Variants in STAT3 observed in about 807,000 individuals in gnomAD.
STAT3 encodes the protein DNA-binding protein APRF.
Under a neutral mutation model 114.3 loss-of-function variants are expected in STAT3, and 7 were observed. The observed-to-expected ratio is 0.06, with a 90% CI of 0.03 to 0.11. The LOEUF is 0.11. Among genes scored for constraint, STAT3 ranks in the 10% least tolerant of loss-of-function variants. The pLI is 1.00. For missense variants in STAT3, 364 were observed against 960.9 expected (o/e 0.38, Z 8.21); for synonymous variants, 331 against 354.5 (o/e 0.93, Z 0.74).
chr17:42,336,979 ATTTTT>A (rs1370697292), intron 8 of STAT3, among the ~76,000 whole-genome samples: 1 of 151,958 alleles, frequency 6.6e-6, no homozygotes, highest in African/African-American at 2.4e-5. Context: ...ACTTTATTTT[ATTTTT>A]ATTTTTTTGA....
chr17:42,321,971 G>A (rs559206318), intron 21 of STAT3, among the ~76,000 whole-genome samples: 1 of 152,116 alleles, frequency 6.6e-6, no homozygotes, highest in African/African-American at 2.4e-5. Flanking sequence ...CTACAAATGC[G>A]TGCCACCACA....
intron 1 of STAT3, among the ~76,000 whole-genome samples, chr17:42,375,329 C>A (rs1167823198): frequency 6.6e-6 from 1 of 152,112 alleles, no homozygotes; most frequent in Non-Finnish European, 1.5e-5. Context: ...AACTAAGGAC[C>A]AAGGACCATC....
At chr17:42,360,055 G>A (rs752455252) in intron 1 of STAT3, among the ~76,000 whole-genome samples, 35 of 79,812 alleles carry the variant, frequency 4.4e-4, no homozygotes, top group Admixed American at 1.6e-3. Flanking sequence ...GCAAGACTCC[G>A]TCTCAAAAAA....
chr17:42,315,659 T>G lies in STAT3; in HGVS notation c.*86A>C. On this transcript the variant is annotated 3_prime_UTR_variant, in exon 24 of 24. Coordinates refer to ENST00000264657, the MANE Select transcript of STAT3 (RefSeq NM_139276.3). The stretch of plus-strand genomic sequence containing the variant: ...GAACCACAAAGTTAGTAGTTTCAGA[T>G]GATCTGGGGTTTGGCTGTGTGAGGG... 1.2e-5 allele frequency: 17 copies of G among 1,368,098 alleles called. No homozygotes were observed. The highest frequency in any genetic ancestry group is 1.6e-5 in the Non-Finnish European group (15 of 956,302). 84.7% of individuals were successfully genotyped at this position (1,368,098 alleles called of 1,614,324 possible). A position where few individuals can be genotyped will look rare whatever the true frequency, so the allele number is the denominator to read the frequency against.
intron 11 of STAT3, 121 bp downstream of exon 11, chr17:42,331,351 T>G: frequency 1.0e-6 from 1 of 952,568 alleles, no homozygotes; most frequent in East Asian, 2.6e-5. Flanking sequence ...TTTTGAAAAC[T>G]TTTGTCCACA....
intron 6 of STAT3, 82 bp downstream of exon 6, chr17:42,338,649 C>T: frequency 2.2e-6 from 3 of 1,387,994 alleles, no homozygotes; most frequent in Admixed American, 1.7e-5. Context: ...AAGATCTAAA[C>T]AGAGTTAAGA....
At chr17:42,372,653 C>T (rs78175815) in intron 1 of STAT3, among the ~76,000 whole-genome samples, 51 of 152,130 alleles carry the variant, frequency 3.4e-4, no homozygotes, top group African/African-American at 1.2e-3. Flanking sequence ...TGTCAAAATC[C>T]ATAGAATGCT....
At chr17:42,354,419 C>T (rs1380015886) in intron 1 of STAT3, among the ~76,000 whole-genome samples, 1 of 150,746 alleles carries the variant, frequency 6.6e-6, no homozygotes, top group Non-Finnish European at 1.5e-5. Flanking sequence ...CCGCCCGCCT[C>T]GGCCTCCCAA....
In STAT3 at chr17:42,315,673, G is replaced by T; in HGVS notation, c.*72C>A. 1 of 1,470,918 alleles carries T rather than the reference G, an allele frequency of 6.8e-7. No individual in the cohort carries two copies. The highest frequency in any genetic ancestry group is 9.5e-7 in the Non-Finnish European group (1 of 1,049,460). 91.1% of individuals were successfully genotyped at this position (1,470,918 alleles called of 1,614,324 possible). ...GTAGTTTCAGATGATCTGGGGTTTG[G>T]CTGTGTGAGGGGTGGCAGAATGCAG... On this transcript the variant is annotated 3_prime_UTR_variant, in exon 24 of 24. Coordinates refer to ENST00000264657, the MANE Select transcript of STAT3 (RefSeq NM_139276.3).
chr17:42,329,822 T>C, intron 11 of STAT3, 46 bp from the exon 12 acceptor site: 14 of 1,609,586 alleles, frequency 8.7e-6, no homozygotes, highest in Non-Finnish European at 1.2e-5. Flanking sequence ...TCTGTGTTTC[T>C]TCAAAAAGCC....
chr17:42,320,275 C>A (rs778590021), intron 21 of STAT3, among the ~76,000 whole-genome samples: 3 of 152,234 alleles, frequency 2.0e-5, no homozygotes, highest in Admixed American at 1.3e-4. Flanking sequence ...CTCCCTCTTC[C>A]AAGCCCCATT....
intron 1 of STAT3, among the ~76,000 whole-genome samples, chr17:42,377,577 G>T (rs58225497): frequency 6.6e-6 from 1 of 152,260 alleles, no homozygotes; most frequent in East Asian, 1.9e-4. Context: ...ATAAATAGTA[G>T]GTAACTAGCT....
chr17:42,325,710 G>A (rs557510466), intron 15 of STAT3, among the ~76,000 whole-genome samples: 7 of 152,074 alleles, frequency 4.6e-5, no homozygotes, highest in Non-Finnish European at 8.8e-5. Flanking sequence ...GATTATAGGC[G>A]TCCGCCACCA....
At chr17:42,342,487 G>GA (rs397739245) in intron 4 of STAT3, among the ~76,000 whole-genome samples, 52,426 of 145,722 alleles carry the variant, frequency 0.36, 9,314 homozygotes, top group South Asian at 0.47. Flanking sequence ...TGTCTCAAAA[G>GA]AAAAAAAAAA....
intron 4 of STAT3, among the ~76,000 whole-genome samples, chr17:42,341,953 G>A (rs2082460234): frequency 1.3e-5 from 2 of 151,844 alleles, no homozygotes; most frequent in East Asian, 3.9e-4. Flanking sequence ...AACATCCTTG[G>A]GATAACTTTG....
Position 42,316,758 on chromosome 17 carries a change from TA to T in STAT3, c.2257+30del, listed in dbSNP as rs766588194. ...ACACAAAGGGGACCAACTTCCCTTATAGGGACAAAGTCTGTCAACCAAATAC... is the reference window on the plus strand; with the variant it reads ...ACACAAAGGGGACCAACTTCCCTTATGGGACAAAGTCTGTCAACCAAATAC... On this transcript the variant is annotated intron_variant, in intron 23 of 23. Transcript: ENST00000264657. The T allele has an allele frequency of 3.7e-6, 6 of 1,611,540 alleles. No homozygotes were observed. In the South Asian group the frequency reaches 6.6e-5, roughly 18 times the overall value.
rs189804764 is a variant in STAT3 at position 42,371,939 on chromosome 17, C to T, written c.-24+16340G>A. Among the ~76,000 whole-genome samples, 1,000 of 151,576 alleles carry T rather than the reference C, an allele frequency of 6.6e-3. 14 individuals are homozygous for T. Among genetic ancestry groups the T allele is most frequent in the African/African-American group, 0.023 (940 of 41,308 alleles). ...CGGAGGCTGCAGTGAGCCGAGATTG[C>T]GCCATTGCACTCCAGCCAGGGCAAC... On this transcript the variant is annotated intron_variant, in intron 1 of 23. Transcript: ENST00000264657.
chr17:42,337,516 T>A lies in STAT3; in HGVS notation c.716A>T (p.Glu239Val). 6.2e-7 allele frequency: 1 copy of A among 1,614,206 alleles called. No individual in the cohort carries two copies. Among genetic ancestry groups the A allele is most frequent in the Non-Finnish European group, 8.5e-7 (1 of 1,180,054 alleles). Reference protein sequence around the residue: ...EYVQKTLTDEELADWKRRQQI... With the variant: ...EYVQKTLTDEVLADWKRRQQI... Reference sequence around the variant, plus strand: ...TTGCCGCCTCTTCCAGTCAGCCAGCTCCTCGTCCGTGAGAGTTTTCTGCAC... The same window carrying A: ...TTGCCGCCTCTTCCAGTCAGCCAGCACCTCGTCCGTGAGAGTTTTCTGCAC... Residue 239 changes from glutamate to valine, a missense_variant, in exon 8 of 24, where the codon GAG (glutamate) becomes GTG (valine). Physicochemically the swap from Glu to Val is moderately radical, Grantham distance 121. Coordinates refer to ENST00000264657, the MANE Select transcript of STAT3 (RefSeq NM_139276.3). This position sits in a 1 kb window ranked among gnomAD's most constrained non-coding sequence, Gnocchi z 4.0.
intron 1 of STAT3, among the ~76,000 whole-genome samples, chr17:42,374,752 A>T (rs1368195573): frequency 6.6e-6 from 1 of 152,170 alleles, no homozygotes; most frequent in Non-Finnish European, 1.5e-5. Flanking sequence ...ATTTACAGAT[A>T]AGGACAGAAA....
Sources: allele counts gnomAD v4.1 joint callset (sites outside exome capture counted in the v4.1 genomes callset), GRCh38; gene constraint gnomAD v4.1.1; non-coding constraint Gnocchi (gnomAD v3.1); transcripts MANE v1.5; gene names NCBI Gene and HGNC (gene_info 2026-07-23, HGNC 2026-07-21).